Variants in USP34 observed in about 807,000 individuals in gnomAD.
USP34 encodes ubiquitin specific peptidase 34.
USP34 carries 70 observed loss-of-function variants against 460.3 expected under a neutral mutation model. That is an observed-to-expected ratio of 0.15 (90% CI 0.13 to 0.19). The LOEUF is 0.19. Ranked by LOEUF, USP34 falls within the 10% of genes least tolerant of loss-of-function variation. The probability of loss-of-function intolerance (pLI) is 1.00; values close to 1 mark genes in which losing one functional copy is unlikely to be tolerated. For missense variants in USP34, 3,985 were observed against 4,236.2 expected (o/e 0.94, Z 1.65); for synonymous variants, 1,647 against 1,405.3 (o/e 1.17, Z -3.85).
intron 41 of USP34, among the ~76,000 whole-genome samples, chr2:61,267,443 A>G (rs1317584433): frequency 1.4e-5 from 2 of 142,774 alleles, no homozygotes; most frequent in Non-Finnish European, 3.1e-5. Flanking sequence ...TGGTTAGGAG[A>G]TTTTTTTTTT....
intron 21 of USP34, among the ~76,000 whole-genome samples, chr2:61,323,059 T>C (rs1690974640): frequency 6.6e-6 from 1 of 152,202 alleles, no homozygotes; most frequent in Non-Finnish European, 1.5e-5. Context: ...AACTTCGTTA[T>C]GGGTAACAGG....
At chr2:61,332,606 T>C (rs982758036) in intron 19 of USP34, among the ~76,000 whole-genome samples, 1 of 151,984 alleles carries the variant, frequency 6.6e-6, no homozygotes, top group Admixed American at 6.6e-5. Flanking sequence ...TAGCACCAAA[T>C]GACTGCCTTT....
At chr2:61,233,832 C>T (rs1449059689) in intron 57 of USP34, among the ~76,000 whole-genome samples, 7 of 134,594 alleles carry the variant, frequency 5.2e-5, no homozygotes, top group African/African-American at 8.2e-5. Flanking sequence ...GAGTGACACC[C>T]ACTCTGGGGG....
Position 61,215,860 on chromosome 2 carries a change from A to G in USP34, c.8048-1166T>C, listed in dbSNP as rs1203540542. On this transcript the variant is annotated intron_variant, in intron 67 of 79. Transcript: ENST00000398571. The stretch of plus-strand genomic sequence containing the variant: ...TTTCACTCAGGCTTACAACAATGGG[A>G]CTATCTCAGCTTACACAGCTAGTGG... Among the ~76,000 whole-genome samples the G allele has an allele frequency of 3.3e-5, 5 of 152,166 alleles. No individual in the cohort carries two copies. The East Asian group carries it at 9.6e-4, about 29-fold the overall frequency.
At chr2:61,462,841 G>A (rs972424171) in intron 1 of USP34, among the ~76,000 whole-genome samples, 3 of 143,874 alleles carry the variant, frequency 2.1e-5, no homozygotes, top group Non-Finnish European at 3.0e-5. Flanking sequence ...CAGCCTGGGA[G>A]ACAGAGGGAA....
chr2:61,332,252 T>C (rs373262477), intron 19 of USP34, among the ~76,000 whole-genome samples: 3 of 152,002 alleles, frequency 2.0e-5, no homozygotes, highest in African/African-American at 7.2e-5. Context: ...TAAGAGATAA[T>C]ATGTACTAAA....
intron 1 of USP34, among the ~76,000 whole-genome samples, chr2:61,467,526 A>T (rs1051163759): frequency 6.6e-6 from 1 of 151,376 alleles, no homozygotes; most frequent in African/African-American, 2.4e-5. Context: ...AAATATGCAC[A>T]ATTTTATTGC....
chr2:61,379,486 C>A (rs891320804), intron 7 of USP34, among the ~76,000 whole-genome samples: 2 of 152,084 alleles, frequency 1.3e-5, no homozygotes, highest in African/African-American at 4.8e-5. Flanking sequence ...TGCCATTGCA[C>A]AACAGAATGG....
At chr2:61,276,514 T>C (rs1473863401) in intron 41 of USP34, among the ~76,000 whole-genome samples, 1 of 152,196 alleles carries the variant, frequency 6.6e-6, no homozygotes, top group Non-Finnish European at 1.5e-5. Flanking sequence ...CCATGAAAAG[T>C]CCTGGAAGGC....
intron 48 of USP34, among the ~76,000 whole-genome samples, chr2:61,252,356 G>A (rs1000121689): frequency 4.6e-5 from 7 of 151,872 alleles, no homozygotes; most frequent in African/African-American, 1.7e-4. Flanking sequence ...ACAGCATTCA[G>A]TTAAGTGTCA....
intron 1 of USP34, among the ~76,000 whole-genome samples, chr2:61,459,232 A>C (rs60056397): frequency 0.14 from 21,084 of 152,254 alleles, 1,995 homozygotes; most frequent in East Asian, 0.39. Flanking sequence ...AAAAGTACAG[A>C]GAAGAAATAA....
At chr2:61,391,263 T>G (rs1037570726) in intron 5 of USP34, among the ~76,000 whole-genome samples, 4 of 152,074 alleles carry the variant, frequency 2.6e-5, no homozygotes, top group African/African-American at 9.7e-5. Context: ...CTGGGGAACA[T>G]GGTGAAACAC....
rs936259603 is a variant in USP34, at chr2:61,471,037, G to C, written c.-345C>G. ...AGCAGAGTCACTTCACCGACCAGAC[G>C]CCGCGGCCACCGCCGACGCCGCCGC... On this transcript the variant is annotated 5_prime_UTR_variant, in exon 1 of 80. Transcript: ENST00000398571. Among the ~76,000 whole-genome samples, 1 of 151,788 alleles carries C rather than the reference G, an allele frequency of 6.6e-6. No homozygotes were observed. The highest frequency in any genetic ancestry group is 1.5e-5 in the Non-Finnish European group (1 of 67,856).
chr2:61,419,764 T>C (rs1019692636), intron 2 of USP34, among the ~76,000 whole-genome samples: 13 of 152,222 alleles, frequency 8.5e-5, no homozygotes, highest in East Asian at 3.8e-4. Context: ...CAGCAAATCA[T>C]TGTGGACTAT....
chr2:61,302,591 A>T (rs191331588), intron 27 of USP34, among the ~76,000 whole-genome samples: 1 of 152,370 alleles, frequency 6.6e-6, no homozygotes, highest in Non-Finnish European at 1.5e-5. Context: ...TAACACAGAT[A>T]CAACATTTTA....
intron 2 of USP34, among the ~76,000 whole-genome samples, 169 bp downstream of exon 2, chr2:61,420,577 A>C (rs781151644): frequency 1.1e-4 from 16 of 152,236 alleles, no homozygotes; most frequent in Non-Finnish European, 2.2e-4. Flanking sequence ...TTTTAAAAAC[A>C]GAATCATGAT....
At chr2:61,290,717 T>C (rs1572904430) in intron 33 of USP34, among the ~76,000 whole-genome samples, 1 of 152,162 alleles carries the variant, frequency 6.6e-6, no homozygotes, top group African/African-American at 2.4e-5. Flanking sequence ...GAGCGTTACA[T>C]AAACATTTTT....
At chr2:61,467,723 C>G (rs1381504456) in intron 1 of USP34, among the ~76,000 whole-genome samples, 2 of 142,488 alleles carry the variant, frequency 1.4e-5, no homozygotes, top group Non-Finnish European at 1.5e-5. Context: ...AGGGTTCAAG[C>G]AATTCTCCTG....
intron 75 of USP34, among the ~76,000 whole-genome samples, chr2:61,198,257 G>T (rs1686866064): frequency 6.6e-6 from 1 of 152,020 alleles, no homozygotes; most frequent in African/African-American, 2.4e-5. Flanking sequence ...TTGTTTATAA[G>T]AATGTTTATA....
Sources: allele counts gnomAD v4.1 joint callset (sites outside exome capture counted in the v4.1 genomes callset), GRCh38; gene constraint gnomAD v4.1.1; transcripts MANE v1.5; gene names NCBI Gene and HGNC (gene_info 2026-07-23, HGNC 2026-07-21).